Variants in ATP7A observed in about 807,000 individuals in gnomAD.
ATP7A encodes the protein copper-transporting ATPase 1.
A neutral mutation model predicts 83.5 loss-of-function variants in ATP7A; 7 were observed. The observed-to-expected ratio is 0.08, with a 90% CI of 0.05 to 0.16. The LOEUF is 0.16. Among genes scored for constraint, ATP7A ranks in the 10% least tolerant of loss-of-function variants. The pLI is 1.00. For synonymous variants in ATP7A, 354 were observed against 395.2 expected (o/e 0.90, Z 1.24); for missense variants, 940 against 1,120.8 (o/e 0.84, Z 2.30).
At chrX:77,951,054 G>A (rs1569549087) in intron 1 of ATP7A, among the ~76,000 whole-genome samples, 1 of 111,304 alleles carries the variant, frequency 9.0e-6, no homozygotes, top group Non-Finnish European at 1.9e-5. Context: ...ATTTAAAAAA[G>A]TCAAATTCAG....
rs782800613 is a variant in ATP7A at position 78,020,922 on chromosome X, ATTG to A, written c.2782-17_2782-15del. The A allele has an allele frequency of 2.2e-5, 26 of 1,191,105 alleles. No homozygotes were observed. The highest frequency in any genetic ancestry group is 3.0e-5 in the Non-Finnish European group (26 of 879,457). ...CTTTGATATGCTTCTTCTTCTTATT[ATTG>A]TTGTTATTTTTAATTCTAGGCTCCT... On this transcript the variant is annotated intron_variant, in intron 13 of 22. Coordinates refer to ENST00000341514, the MANE Select transcript of ATP7A (RefSeq NM_000052.7).
chrX:77,923,595 GAC>G (rs2077226527), intron 1 of ATP7A: 1 of 101,326 alleles, frequency 9.9e-6, no homozygotes, highest in African/African-American at 3.6e-5. Context: ...TTTTTTTTGA[GAC>G]AGAGTCTGTT....
In ATP7A at chrX:78,046,749, C is replaced by T. The variant is rs1228079756; in HGVS notation, c.*179C>T. 9 of 575,991 alleles carry T rather than the reference C, an allele frequency of 1.6e-5. No individual in the cohort carries two copies. In the African/African-American group the frequency reaches 1.6e-4, roughly 10 times the overall value. 47.5% of individuals were successfully genotyped at this position (575,991 alleles called of 1,213,427 possible). A position where few individuals can be genotyped will look rare whatever the true frequency, so the allele number is the denominator to read the frequency against. Reference sequence around the variant, plus strand: ...TCTTTTTCAAGGCATCAGCTCTGAACCTAGCTTTATTTAAACTGAATTTCC... The same window carrying T: ...TCTTTTTCAAGGCATCAGCTCTGAATCTAGCTTTATTTAAACTGAATTTCC... On this transcript the variant is annotated 3_prime_UTR_variant, in exon 23 of 23. Transcript: ENST00000341514.
chrX:78,046,423 G>T lies in ATP7A; in HGVS notation c.4356G>T (p.Leu1452Phe), dbSNP rs782364202. The T allele has an allele frequency of 1.7e-6, 2 of 1,211,510 alleles. No individual in the cohort carries two copies. The highest frequency in any genetic ancestry group is 2.2e-6 in the Non-Finnish European group (2 of 895,433). The change falls in exon 23 of 23, where the codon TTG (leucine) becomes TTT (phenylalanine). Residue 1452 changes from leucine (L) to phenylalanine (F), a missense_variant. Leu to Phe is a conservative substitution (Grantham distance 22, BLOSUM62 0). This residue lies in a region of ATP7A where 386 missense variants were observed against 502.2 expected (regional missense o/e 0.77). Coordinates refer to ENST00000341514, the MANE Select transcript of ATP7A (RefSeq NM_000052.7). ...DTSRNSPKLG[L>F]LDRIVNYSRA... ...CAAGGAATTCTCCTAAACTGGGTTT[G>T]CTGGACCGGATTGTTAATTATAGCA...
At chrX:78,015,961 G>A in intron 12 of ATP7A, 80 bp downstream of exon 12, 1 of 1,046,507 alleles carries the variant, frequency 9.6e-7, no homozygotes, top group East Asian at 3.0e-5. Flanking sequence ...TAGAAGCTAT[G>A]AATAACTAAA....
At chrX:78,037,521 G>A (rs2078020615) in intron 17 of ATP7A, among the ~76,000 whole-genome samples, 1 of 111,119 alleles carries the variant, frequency 9.0e-6, no homozygotes, top group Admixed American at 9.6e-5. Context: ...GAACCCCAAG[G>A]AGTGAGAGTA....
Position 78,045,453 on chromosome X carries a change from C to T in ATP7A, c.4124-17C>T, listed in dbSNP as rs371435031. The T allele has an allele frequency of 4.9e-5, 56 of 1,150,702 alleles. No individual in the cohort carries two copies. Among genetic ancestry groups the T allele is most frequent in the Middle Eastern group, 2.4e-4 (1 of 4,236 alleles). The allele number at this position is 1,150,702 out of a possible 1,213,427, so 94.8% of individuals were successfully genotyped here. A position where few individuals can be genotyped will look rare whatever the true frequency, so the allele number is the denominator to read the frequency against. On this transcript the variant is annotated splice_polypyrimidine_tract_variant and intron_variant, in intron 21 of 22. Transcript: ENST00000341514. ...TTTAGTATTATCTACTCTAACTAAT[C>T]CATACTTGTTTCTTAGGAGTTTTTA...
At chrX:78,045,952 C>T (rs782763382) in intron 22 of ATP7A, among the ~76,000 whole-genome samples, 3 of 111,798 alleles carry the variant, frequency 2.7e-5, no homozygotes, top group Non-Finnish European at 3.8e-5. Flanking sequence ...CACTGCACTC[C>T]AGCCTAGGCA....
intron 1 of ATP7A, chrX:77,968,950 A>G (rs782397774): frequency 2.5e-6 from 3 of 1,210,615 alleles, no homozygotes; most frequent in East Asian, 5.9e-5. Context: ...CAGAAACTGC[A>G]TGGGCTTGAT....
At chrX:77,932,305 T>A (rs1486631529) in intron 1 of ATP7A, among the ~76,000 whole-genome samples, 2 of 75,500 alleles carry the variant, frequency 2.6e-5, no homozygotes, top group Non-Finnish European at 5.0e-5. Flanking sequence ...TCTCAGACGA[T>A]GGGCGGCCGG....
At chrX:77,971,312 A>G (rs1444603111) in intron 1 of ATP7A, among the ~76,000 whole-genome samples, 1 of 112,302 alleles carries the variant, frequency 8.9e-6, no homozygotes, top group East Asian at 2.8e-4. Context: ...GAGATTATGT[A>G]TGGGAAACAT....
chrX:77,957,231 A>C (rs782566847), intron 1 of ATP7A, among the ~76,000 whole-genome samples: 1 of 111,468 alleles, frequency 9.0e-6, no homozygotes, highest in African/African-American at 3.2e-5. Flanking sequence ...ATTTTTAAAA[A>C]AATTTATTAT....
At chrX:77,931,171 T>G (rs782683882) in intron 1 of ATP7A, among the ~76,000 whole-genome samples, 2 of 108,952 alleles carry the variant, frequency 1.8e-5, no homozygotes, top group Admixed American at 2.0e-4. Context: ...CCTTCCTCAG[T>G]GTTTGTGTCC....
intron 1 of ATP7A, among the ~76,000 whole-genome samples, chrX:77,936,629 G>A (rs1489504759): frequency 8.9e-6 from 1 of 111,764 alleles, no homozygotes; most frequent in Non-Finnish European, 1.9e-5. Flanking sequence ...TAGGAGAAAT[G>A]TTACTCTGTT....
At chrX:78,006,690 C>G (rs1436608185) in intron 6 of ATP7A, among the ~76,000 whole-genome samples, 1 of 111,807 alleles carries the variant, frequency 8.9e-6, no homozygotes, top group Non-Finnish European at 1.9e-5. Context: ...AACCACTAAT[C>G]TACTTTGTAT....
In ATP7A at chrX:78,040,620, G is replaced by A; in HGVS notation, c.3688G>A (p.Asp1230Asn). ...GCTGTGTGGCTTGATAGCCATTGCA[G>A]ACACAGTGAAGCCTGAAGCAGAACT... ...DELCGLIAIADTVKPEAELAI... is the reference protein window; with the variant it reads ...DELCGLIAIANTVKPEAELAI... The change falls in exon 19 of 23, where the codon GAC becomes AAC. Residue 1230 changes from aspartate (D) to asparagine (N), a missense_variant. Around this residue, in one of 3 missense-constraint regions of ATP7A, gnomAD observed 386 missense variants for 502.2 expected, o/e 0.77. Coordinates refer to ENST00000341514, the MANE Select transcript of ATP7A (RefSeq NM_000052.7). The A allele has an allele frequency of 1.7e-6, 2 of 1,211,424 alleles. No individual in the cohort carries two copies. Among genetic ancestry groups the A allele is most frequent in the Non-Finnish European group, 2.2e-6 (2 of 895,087 alleles).
chrX:78,010,519 C>G (rs868923838), intron 7 of ATP7A, among the ~76,000 whole-genome samples: 1 of 102,880 alleles, frequency 9.7e-6, no homozygotes, highest in Non-Finnish European at 2.0e-5. Context: ...TAAAACAAGA[C>G]TAAATACTGC....
chrX:77,955,490 T>C (rs1357631637), intron 1 of ATP7A, among the ~76,000 whole-genome samples: 1 of 111,967 alleles, frequency 8.9e-6, no homozygotes, highest in Non-Finnish European at 1.9e-5. Context: ...AAAATACTTC[T>C]AGTTCATTTG....
chrX:78,045,847 G>GT lies in ATP7A; in HGVS notation c.4226+276dup, dbSNP rs782127345. On this transcript the variant is annotated intron_variant, in intron 22 of 22. Coordinates refer to ENST00000341514, the MANE Select transcript of ATP7A (RefSeq NM_000052.7). ...GAAATACAAAAATTAGCTGGGCATG[G>GT]TGGTAGACACCTGTAATCTCAGCTA... 3.6e-5 allele frequency among the ~76,000 whole-genome samples: 4 copies of GT among 111,511 alleles called. No individual in the cohort carries two copies. The South Asian group carries it at 1.5e-3, about 42-fold the overall frequency.
Sources: allele counts gnomAD v4.1 joint callset (sites outside exome capture counted in the v4.1 genomes callset), GRCh38; gene constraint gnomAD v4.1.1; regional missense constraint gnomAD v4.1.1; transcripts MANE v1.5; gene names NCBI Gene and HGNC (gene_info 2026-07-23, HGNC 2026-07-21).